RANBP2: variants seen among roughly 807,000 people sequenced by gnomAD.
RANBP2 encodes RAN binding protein 2, also known as E3 SUMO-protein ligase RanBP2.
In RANBP2, 57 loss-of-function variants were observed where a neutral mutation model predicts 303.6. That is an observed-to-expected ratio of 0.19 (90% CI 0.15 to 0.23). RANBP2 has a LOEUF of 0.23. Ranked by LOEUF, RANBP2 falls within the 10% of genes least tolerant of loss-of-function variation. The pLI, the probability that RANBP2 is intolerant of heterozygous loss-of-function variation, is 1.00. For synonymous variants in RANBP2, 1,167 were observed against 1,301.5 expected, an observed-to-expected ratio of 0.90 and a Z score of 2.23; for missense variants, 3,138 against 3,780.8, an observed-to-expected ratio of 0.83 and a Z score of 4.46.
At chr2:109,078,264 G>A in the RANBP2 span, among the ~76,000 whole-genome samples, 2 of 16,866 alleles carry the variant, frequency 1.2e-4, no homozygotes, top group African/African-American at 2.8e-4. Context: ...TATATATATA[G>A]CGCGTATATA....
chr2:109,520,598 C>CAAAAAAAAAA, the RANBP2 span, among the ~76,000 whole-genome samples: 5 of 50,100 alleles, frequency 1.0e-4, no homozygotes, highest in Admixed American at 2.8e-4. Flanking sequence ...GACTCCATCT[C>CAAAAAAAAAA]AAAAAAAAAA....
chr2:109,009,094 C>G, the RANBP2 span, among the ~76,000 whole-genome samples: 12 of 149,844 alleles, frequency 8.0e-5, no homozygotes, highest in African/African-American at 2.9e-4. Context: ...AATCCCAGCA[C>G]TTTGGGAGGC....
At chr2:109,436,101 C>T in the RANBP2 span, among the ~76,000 whole-genome samples, 1 of 152,188 alleles carries the variant, frequency 6.6e-6, no homozygotes, top group Non-Finnish European at 1.5e-5. Context: ...TGTTCTCCCA[C>T]CTGTGGCTTC....
chr2:108,991,963 C>T, the RANBP2 span, among the ~76,000 whole-genome samples: 2 of 152,108 alleles, frequency 1.3e-5, no homozygotes, highest in Non-Finnish European at 1.5e-5. Context: ...CTGCTCCCAT[C>T]TAATTTTTGT....
At chr2:108,817,234 C>T in the RANBP2 span, among the ~76,000 whole-genome samples, 1 of 152,066 alleles carries the variant, frequency 6.6e-6, no homozygotes, top group South Asian at 2.1e-4. Flanking sequence ...ACTCAACCCC[C>T]TCTTGCTGGC....
At chr2:109,304,811 TG>T in the RANBP2 span, among the ~76,000 whole-genome samples, 1 of 152,102 alleles carries the variant, frequency 6.6e-6, no homozygotes, top group East Asian at 1.9e-4. Flanking sequence ...AGCTGTGAAT[TG>T]CTAGATTAGA....
chr2:108,879,855 C>T, the RANBP2 span, among the ~76,000 whole-genome samples: 1 of 152,106 alleles, frequency 6.6e-6, no homozygotes, highest in African/African-American at 2.4e-5. Context: ...TTTACCTCCT[C>T]TCTTCCAACC....
the RANBP2 span, among the ~76,000 whole-genome samples, chr2:109,372,572 T>A: frequency 6.6e-6 from 1 of 152,222 alleles, no homozygotes; most frequent in Non-Finnish European, 1.5e-5. Context: ...TGAATGGCCC[T>A]GCTTTACAGA....
the RANBP2 span, chr2:109,614,404 G>T: frequency 2.9e-6 from 3 of 1,035,414 alleles, no homozygotes; most frequent in Non-Finnish European, 3.7e-6. Flanking sequence ...GCCAGACTCC[G>T]CCGCCGTCGG....
intron 6 of RANBP2, among the ~76,000 whole-genome samples, chr2:108,739,261 G>C (rs1238656216): frequency 2.0e-5 from 3 of 151,958 alleles, no homozygotes; most frequent in East Asian, 2.0e-4. Context: ...AAATTAGCCG[G>C]GTATGTTGGC....
chr2:109,738,204 T>C, the RANBP2 span, among the ~76,000 whole-genome samples: 2 of 152,262 alleles, frequency 1.3e-5, no homozygotes, highest in Admixed American at 6.5e-5. Context: ...AGTAGTTTTG[T>C]AGTTTTGCAT....
At chr2:108,760,948 T>C (rs896066877) in intron 18 of RANBP2, among the ~76,000 whole-genome samples, 5 of 152,058 alleles carry the variant, frequency 3.3e-5, no homozygotes, top group Non-Finnish European at 7.4e-5. Flanking sequence ...CAAGGCTCAC[T>C]TCAAAAACAT....
the RANBP2 span, among the ~76,000 whole-genome samples, chr2:109,007,380 T>C: frequency 6.6e-6 from 1 of 152,220 alleles, no homozygotes; most frequent in African/African-American, 2.4e-5. Context: ...GCTGTTTGAC[T>C]TAGCTCTGCA....
At position 108,771,748 on chromosome 2, in the gene RANBP2, C is replaced by T. The variant is rs759037863; in HGVS notation, c.7897C>T (p.Leu2633Phe). The change falls in exon 21 of 29, where the codon CTC becomes TTC. Residue 2633 changes from leucine to phenylalanine, a missense_variant. Leu to Phe is a conservative substitution (Grantham distance 22). Coordinates refer to ENST00000283195, the MANE Select transcript of RANBP2 (RefSeq NM_006267.5). ...AGATTCTCCCTCAGATGATGATGTT[C>T]TCATTGTATATGAACTAACTCCAAC... Reference protein sequence around the residue: ...PEDSPSDDDVLIVYELTPTAE... With the variant: ...PEDSPSDDDVFIVYELTPTAE... 1 of 1,613,874 alleles carries T rather than the reference C, an allele frequency of 6.2e-7. No individual in the cohort carries two copies. The highest frequency in any genetic ancestry group is 1.1e-5 in the South Asian group (1 of 91,068).
the RANBP2 span, among the ~76,000 whole-genome samples, chr2:109,031,119 CT>C: frequency 1.3e-5 from 2 of 152,170 alleles, no homozygotes; most frequent in African/African-American, 4.8e-5. Context: ...ATGGTAAGAA[CT>C]CCGGGTCCCT....
At chr2:109,613,235 A>G in the RANBP2 span, 1 of 1,265,086 alleles carries the variant, frequency 7.9e-7, no homozygotes, top group South Asian at 1.2e-5. Context: ...GTAACTGGAA[A>G]GGTTCAAAAC....
chr2:109,081,533 A>T, the RANBP2 span, among the ~76,000 whole-genome samples: 20 of 152,284 alleles, frequency 1.3e-4, no homozygotes, highest in Middle Eastern at 3.4e-3. Flanking sequence ...TCAAGCCTCC[A>T]TCGTGCTCAG....
the RANBP2 span, among the ~76,000 whole-genome samples, chr2:109,077,095 GCTAA>G: frequency 6.7e-6 from 1 of 150,342 alleles, no homozygotes; most frequent in African/African-American, 2.4e-5. Context: ...CGAAAATATG[GCTAA>G]CTAATTTTCA....
the RANBP2 span, among the ~76,000 whole-genome samples, chr2:108,933,221 C>T: frequency 1.3e-5 from 2 of 152,168 alleles, no homozygotes; most frequent in African/African-American, 4.8e-5. Flanking sequence ...GCTGAACTTC[C>T]AGCAAAGATT....
Sources: gnomAD v4.1 joint callset for allele counts (sites outside exome capture counted in the v4.1 genomes callset) on GRCh38, gnomAD v4.1.1 for gene constraint, MANE v1.5 for transcripts, NCBI Gene and HGNC (gene_info 2026-07-23, HGNC 2026-07-21) for gene names.